The following EBF3 variants were observed in gnomAD, a reference collection of about 807,000 sequenced individuals.
EBF3 encodes EBF transcription factor 3, also known as transcription factor COE3.
Under a neutral mutation model 77.1 loss-of-function variants are expected in EBF3, and 18 were observed. The ratio of observed to expected loss-of-function variants is 0.23; its 90% CI spans 0.16 to 0.35. The LOEUF is 0.35. Ranked by LOEUF, EBF3 falls within the 10% of genes least tolerant of loss-of-function variation. The pLI is 1.00. For missense variants in EBF3, 558 were observed against 860.0 expected (o/e 0.65, Z 4.39); for synonymous variants, 350 against 343.5 (o/e 1.02, Z -0.21).
intron 6 of EBF3, among the ~76,000 whole-genome samples, chr10:129,878,685 A>AAAAAAG: frequency 7.0e-6 from 1 of 142,244 alleles, no homozygotes; most frequent in Non-Finnish European, 1.6e-5. Context: ...AAAAAAAAAG[A>AAAAAAG]GTTACAGTAG....
chr10:129,848,541 T>G lies in EBF3; in HGVS notation c.1040-61A>C. 1 of 1,542,730 alleles carries G rather than the reference T, an allele frequency of 6.5e-7. No individual in the cohort carries two copies. Among genetic ancestry groups the G allele is most frequent in the Admixed American group, 1.7e-5 (1 of 59,926 alleles). ...TACTTTTATGTCATCCATTACTCGT[T>G]TATTGCACACTTACAAATAAATGTG... On this transcript the variant is annotated intron_variant, in intron 10 of 16. Coordinates refer to ENST00000440978, the MANE Select transcript of EBF3 (RefSeq NM_001375380.1). The surrounding 1 kb of genome is among the most constrained non-coding windows in gnomAD (Gnocchi z 4.4).
At position 129,879,743 on chromosome 10, in the gene EBF3, ACTC is replaced by A. The variant is rs1341291033; in HGVS notation, c.555-1897_555-1895del. ...TTCCTAACAACCACTGTGCAATTAA[ACTC>A]CACACGTTCCGCAGCGAGGTAAATG... On this transcript the variant is annotated intron_variant, in intron 6 of 16. Transcript: ENST00000440978. The surrounding 1 kb of genome is among the most constrained non-coding windows in gnomAD (Gnocchi z 4.7). 1.3e-5 allele frequency among the ~76,000 whole-genome samples: 2 copies of A among 151,970 alleles called. No homozygotes were observed. The highest frequency in any genetic ancestry group is 6.6e-5 in the Admixed American group (1 of 15,264).
rs540859013 is a variant in EBF3 at position 129,837,938 on chromosome 10, C to G, written c.*5G>C. ...GGTAAACAGAAGTCCCTCACATTGG[C>G]GGGACTACCAGCCCAGACATAGCTG... On this transcript the variant is annotated 3_prime_UTR_variant, in exon 17 of 17. Coordinates refer to ENST00000440978, the MANE Select transcript of EBF3 (RefSeq NM_001375380.1). The G allele has an allele frequency of 1.9e-6, 3 of 1,613,986 alleles. No homozygotes were observed. The highest frequency in any genetic ancestry group is 2.5e-6 in the Non-Finnish European group (3 of 1,180,024).
intron 6 of EBF3, among the ~76,000 whole-genome samples, chr10:129,910,477 A>T (rs1228877671): frequency 6.6e-6 from 1 of 152,158 alleles, no homozygotes; most frequent in Non-Finnish European, 1.5e-5. Flanking sequence ...TACACTGATG[A>T]TCCTAAAATC....
In EBF3 at chr10:129,835,994, G is replaced by A. The variant is rs1849589577; in HGVS notation, c.*1949C>T. 1 of 152,510 alleles carries A rather than the reference G, an allele frequency of 6.6e-6. No homozygotes were observed. 9.4% of individuals were successfully genotyped at this position (152,510 alleles called of 1,614,324 possible). On this transcript the variant is annotated 3_prime_UTR_variant, in exon 17 of 17. Transcript: ENST00000440978. ...AAAAATGTATTGTTAAAAAAAAATT[G>A]AAAACCAGCAGTGATTTGGGTCCCC...
Position 129,943,569 on chromosome 10 carries a change from A to G in EBF3, c.554+13689T>C, listed in dbSNP as rs577752953. Among the ~76,000 whole-genome samples the G allele has an allele frequency of 3.3e-5, 5 of 152,304 alleles. No individual in the cohort carries two copies. Among genetic ancestry groups the G allele is most frequent in the African/African-American group, 1.2e-4 (5 of 41,558 alleles). On this transcript the variant is annotated intron_variant, in intron 6 of 16. Coordinates refer to ENST00000440978, the MANE Select transcript of EBF3 (RefSeq NM_001375380.1). The surrounding 1 kb of genome is among the most constrained non-coding windows in gnomAD (Gnocchi z 8.8). ...ACTTGGATGCTAGGGATGAGCCTCAAGTGGTTGCCAGGAGTCGCCAGCCGG... is the reference window on the plus strand; with the variant it reads ...ACTTGGATGCTAGGGATGAGCCTCAGGTGGTTGCCAGGAGTCGCCAGCCGG...
At chr10:129,893,829 A>G (rs1854184589) in intron 6 of EBF3, among the ~76,000 whole-genome samples, 1 of 152,246 alleles carries the variant, frequency 6.6e-6, no homozygotes, top group Non-Finnish European at 1.5e-5. Context: ...TGAGGTCAAC[A>G]GCAAGGTGAG....
chr10:129,871,325 T>C (rs1175451450), intron 8 of EBF3, among the ~76,000 whole-genome samples: 2 of 152,146 alleles, frequency 1.3e-5, no homozygotes, highest in Non-Finnish European at 2.9e-5. Flanking sequence ...TTGTGTTCAA[T>C]ACTGTAAATA....
At chr10:129,876,517 A>G (rs986482533) in intron 7 of EBF3, among the ~76,000 whole-genome samples, 3 of 152,242 alleles carry the variant, frequency 2.0e-5, no homozygotes, top group African/African-American at 7.2e-5. Flanking sequence ...GGGCCCAAAG[A>G]GCCCGCCTCC....
At chr10:129,873,425 A>G (rs1420123711) in intron 8 of EBF3, 27 bp downstream of exon 8, 1 of 1,484,740 alleles carries the variant, frequency 6.7e-7, no homozygotes, top group Non-Finnish European at 9.0e-7. Context: ...CATCGCAAAT[A>G]AAAAAAGACA....
chr10:129,909,430 T>A (rs973549277), intron 6 of EBF3, among the ~76,000 whole-genome samples: 1 of 152,192 alleles, frequency 6.6e-6, no homozygotes. Flanking sequence ...GCTGGAAAAG[T>A]AGATGGCCCT....
intron 6 of EBF3, among the ~76,000 whole-genome samples, chr10:129,929,559 A>T (rs1856873521): frequency 6.6e-6 from 1 of 152,146 alleles, no homozygotes. Flanking sequence ...CACACTGCTG[A>T]TAGATATTAA....
intron 7 of EBF3, 60 bp downstream of exon 7, chr10:129,877,708 A>G (rs1424059977): frequency 6.9e-7 from 1 of 1,441,454 alleles, no homozygotes; most frequent in African/African-American, 1.4e-5. Flanking sequence ...CAAATCAGAG[A>G]ATTCAAATTT....
chr10:129,964,032 CTTGTTG>C lies in EBF3; in HGVS notation c.-270_-265del. On this transcript the variant is annotated 5_prime_UTR_variant, in exon 1 of 17. Coordinates refer to ENST00000440978, the MANE Select transcript of EBF3 (RefSeq NM_001375380.1). The surrounding 1 kb of genome is among the most constrained non-coding windows in gnomAD (Gnocchi z 4.5). ...GCAGGACGCGGTGGCCGCGGCGGCG[CTTGTTG>C]TTGTTGTTGTTTGCAGGCGCGCTCA... The C allele has an allele frequency of 2.0e-6, 2 of 984,938 alleles. No individual in the cohort carries two copies. Among genetic ancestry groups the C allele is most frequent in the Non-Finnish European group, 2.4e-6 (2 of 829,740 alleles). The allele number at this position is 984,938 out of a possible 1,614,324, so 61.0% of individuals were successfully genotyped here. A position where few individuals can be genotyped will look rare whatever the true frequency, so the allele number is the denominator to read the frequency against.
At chr10:129,957,511 C>G (rs905028758) in intron 5 of EBF3, among the ~76,000 whole-genome samples, 185 bp from the exon 6 acceptor site, 1 of 151,972 alleles carries the variant, frequency 6.6e-6, no homozygotes, top group African/African-American at 2.4e-5. Flanking sequence ...AACTTTCTAC[C>G]GGAAGGAGCA....
At chr10:129,914,126 C>T (rs1855710195) in intron 6 of EBF3, among the ~76,000 whole-genome samples, 1 of 152,188 alleles carries the variant, frequency 6.6e-6, no homozygotes, top group Admixed American at 6.5e-5. Flanking sequence ...TGAGGCCAGG[C>T]TGGGGCCAGG....
At chr10:129,932,800 G>A (rs1305472625) in intron 6 of EBF3, among the ~76,000 whole-genome samples, 1 of 151,940 alleles carries the variant, frequency 6.6e-6, no homozygotes, top group African/African-American at 2.4e-5. Flanking sequence ...GCAGGAGGCC[G>A]AGCTTCGGAA....
intron 6 of EBF3, among the ~76,000 whole-genome samples, chr10:129,956,765 G>A (rs1859067635): frequency 6.6e-6 from 1 of 152,104 alleles, no homozygotes; most frequent in Admixed American, 6.6e-5. Context: ...GACATAAAAC[G>A]ACAGCTACAA....
intron 7 of EBF3, among the ~76,000 whole-genome samples, chr10:129,877,291 G>C (rs997187774): frequency 2.0e-5 from 3 of 152,076 alleles, no homozygotes; most frequent in Non-Finnish European, 2.9e-5. Flanking sequence ...AGGAGCTTGA[G>C]ACCAGCCTGG....
Sources: gnomAD v4.1 joint callset for allele counts (sites outside exome capture counted in the v4.1 genomes callset) on GRCh38, gnomAD v4.1.1 for gene constraint, Gnocchi (gnomAD v3.1) non-coding constraint, MANE v1.5 for transcripts, NCBI Gene and HGNC (gene_info 2026-07-23, HGNC 2026-07-21) for gene names.